ASPRV1: variants seen among roughly 807,000 people sequenced by gnomAD.
ASPRV1 encodes the protein retroviral-like aspartic protease 1.
In ASPRV1, 7 loss-of-function variants were observed where a neutral mutation model predicts 11.0. That is an observed-to-expected ratio of 0.64 (90% CI 0.36 to 1.20). The LOEUF is 1.20. Ranked by LOEUF, ASPRV1 falls within the 50% of genes most tolerant of loss-of-function variation. The pLI is 0.02. For synonymous variants in ASPRV1, 136 were observed against 138.4 expected (o/e 0.98, Z 0.12); for missense variants, 299 against 320.0 (o/e 0.93, Z 0.50).
At chr2:69,949,669 G>T in the ASPRV1 span, among the ~76,000 whole-genome samples, 1 of 152,140 alleles carries the variant, frequency 6.6e-6, no homozygotes, top group East Asian at 1.9e-4. Flanking sequence ...GAATTGCATC[G>T]TTTTGTGCCT....
chr2:70,004,052 G>A, the ASPRV1 span, among the ~76,000 whole-genome samples: 577 of 152,276 alleles, frequency 3.8e-3, 2 homozygotes, highest in African/African-American at 0.013. Flanking sequence ...CTAATACAGG[G>A]TGTTTGAGAG....
At chr2:69,994,568 G>A in the ASPRV1 span, among the ~76,000 whole-genome samples, 2 of 152,206 alleles carry the variant, frequency 1.3e-5, no homozygotes, top group African/African-American at 4.8e-5. Flanking sequence ...TCTGAGTTGG[G>A]AAGGGCTGGC....
chr2:69,956,152 A>T (rs556522878), downstream of ASPRV1, among the ~76,000 whole-genome samples: 1 of 152,314 alleles, frequency 6.6e-6, no homozygotes, highest in Admixed American at 6.5e-5. Flanking sequence ...CCCATGGCCA[A>T]ATCTAAAACA....
the ASPRV1 span, among the ~76,000 whole-genome samples, chr2:69,979,297 T>G: frequency 6.6e-6 from 1 of 152,300 alleles, no homozygotes; most frequent in South Asian, 2.1e-4. Context: ...CCTCCCAAAG[T>G]GCTGGGATTA....
chr2:70,005,687 T>C, the ASPRV1 span, among the ~76,000 whole-genome samples: 3 of 111,288 alleles, frequency 2.7e-5, no homozygotes, highest in African/African-American at 1.3e-4. Context: ...AACTTTGTAG[T>C]GTCTTCAACA....
the ASPRV1 span, among the ~76,000 whole-genome samples, chr2:69,936,752 A>G: frequency 6.6e-6 from 1 of 152,184 alleles, no homozygotes; most frequent in African/African-American, 2.4e-5. Context: ...CTGCTAACAA[A>G]CAGAAGTTAA....
chr2:69,983,896 G>A, the ASPRV1 span, among the ~76,000 whole-genome samples: 1 of 152,182 alleles, frequency 6.6e-6, no homozygotes, highest in Non-Finnish European at 1.5e-5. Flanking sequence ...TGAGAGATTT[G>A]AACCTGGAGG....
At chr2:70,060,803 C>A in the ASPRV1 span, among the ~76,000 whole-genome samples, 3 of 151,970 alleles carry the variant, frequency 2.0e-5, no homozygotes, top group African/African-American at 7.2e-5. Flanking sequence ...GCAACAAGAG[C>A]GAAACTCTGT....
the ASPRV1 span, among the ~76,000 whole-genome samples, chr2:70,020,564 G>T: frequency 6.6e-6 from 1 of 152,144 alleles, no homozygotes; most frequent in Non-Finnish European, 1.5e-5. Flanking sequence ...CTAACATGGT[G>T]AAATCCCGTT....
the ASPRV1 span, among the ~76,000 whole-genome samples, chr2:70,044,694 G>T: frequency 2.6e-5 from 4 of 152,144 alleles, no homozygotes; most frequent in Non-Finnish European, 5.9e-5. Context: ...CCCAACCTCA[G>T]GTGATCCGCC....
the ASPRV1 span, among the ~76,000 whole-genome samples, chr2:70,074,624 A>G: frequency 3.4e-4 from 52 of 152,042 alleles, no homozygotes; most frequent in African/African-American, 1.3e-3. Flanking sequence ...AAAAAAGTGA[A>G]GTCCTAAATA....
the ASPRV1 span, chr2:69,935,278 G>T: frequency 1.0e-5 from 11 of 1,060,508 alleles, no homozygotes; most frequent in Non-Finnish European, 1.5e-5. Context: ...CACTCTTTGA[G>T]AACTCATTCT....
chr2:70,037,376 C>A, the ASPRV1 span, among the ~76,000 whole-genome samples: 58 of 152,148 alleles, frequency 3.8e-4, no homozygotes, highest in South Asian at 8.3e-4. Context: ...CAGGCTGGGG[C>A]ACAGTGGCGT....
At chr2:69,953,719 C>A in the ASPRV1 span, among the ~76,000 whole-genome samples, 1 of 148,898 alleles carries the variant, frequency 6.7e-6, no homozygotes, top group Non-Finnish European at 1.5e-5. Flanking sequence ...TTTTTTCTTT[C>A]TTTTTTGAGA....
chr2:70,045,236 TAC>T, the ASPRV1 span: 1 of 152,228 alleles, frequency 6.6e-6, no homozygotes, highest in African/African-American at 2.4e-5. Context: ...TCTGGCGTTG[TAC>T]AGACTTGAGG....
chr2:69,983,155 G>A, the ASPRV1 span, among the ~76,000 whole-genome samples: 1 of 152,266 alleles, frequency 6.6e-6, no homozygotes, highest in Non-Finnish European at 1.5e-5. Context: ...CCGAGCTCAG[G>A]CAATCCGCCC....
chr2:70,028,953 A>G, the ASPRV1 span, among the ~76,000 whole-genome samples: 2 of 151,872 alleles, frequency 1.3e-5, no homozygotes, highest in South Asian at 4.1e-4. Context: ...AAAAATAAAT[A>G]AATAAAATAA....
rs1274961990 is a variant in ASPRV1 at position 69,960,930 on chromosome 2, G to A, written c.507C>T (p.Ile169=). The A allele has an allele frequency of 6.2e-7, 1 of 1,613,886 alleles. No individual in the cohort carries two copies. Among genetic ancestry groups the A allele is most frequent in the Non-Finnish European group, 8.5e-7 (1 of 1,180,004 alleles). ...VKVANGAEMK[I]LGVWDTAVSL... Reference sequence around the variant, plus strand: ...ACACCGCTGTATCCCAGACACCCAGGATCTTCATTTCAGCACCATTGGCCA... The same window carrying A: ...ACACCGCTGTATCCCAGACACCCAGAATCTTCATTTCAGCACCATTGGCCA... The change falls in exon 1 of 1, where the codon ATC becomes ATT. Residue 169 remains isoleucine (I), a synonymous_variant. Coordinates refer to ENST00000320256, the MANE Select transcript of ASPRV1 (RefSeq NM_152792.4).
the ASPRV1 span, among the ~76,000 whole-genome samples, chr2:70,077,922 C>T: frequency 6.6e-6 from 1 of 151,852 alleles, no homozygotes. Flanking sequence ...AATCCCAGCA[C>T]TCTGGGAGGC....
Sources: allele counts gnomAD v4.1 joint callset (sites outside exome capture counted in the v4.1 genomes callset), GRCh38; gene constraint gnomAD v4.1.1; transcripts MANE v1.5; gene names NCBI Gene and HGNC (gene_info 2026-07-23, HGNC 2026-07-21).